The following SDK1 variants were observed in gnomAD, a reference collection of about 807,000 sequenced individuals.
SDK1 encodes the protein sidekick cell adhesion molecule 1.
Under a neutral mutation model 245.5 loss-of-function variants are expected in SDK1, and 157 were observed. The ratio of observed to expected loss-of-function variants is 0.64; its 90% CI spans 0.56 to 0.73. The LOEUF (loss-of-function observed/expected upper bound fraction) is 0.73. SDK1 is among the 30% of genes least tolerant of loss of function. The pLI is 0.00. For missense variants in SDK1, 3,583 were observed against 3,002.3 expected, an observed-to-expected ratio of 1.19 and a Z score of -4.52; for synonymous variants, 1,647 against 1,278.5, an observed-to-expected ratio of 1.29 and a Z score of -6.15.
At chr7:3,487,516 C>G (rs1243495872) in intron 1 of SDK1, among the ~76,000 whole-genome samples, 1 of 151,922 alleles carries the variant, frequency 6.6e-6, no homozygotes, top group Non-Finnish European at 1.5e-5. Flanking sequence ...CCAAGGTAAA[C>G]AGATCACCTG....
intron 5 of SDK1, among the ~76,000 whole-genome samples, chr7:3,825,492 A>G: frequency 6.6e-6 from 1 of 152,198 alleles, no homozygotes; most frequent in East Asian, 1.9e-4. Flanking sequence ...CTTGGATTAA[A>G]AAGAAATGAC....
intron 1 of SDK1, among the ~76,000 whole-genome samples, chr7:3,587,210 G>A (rs1170461834): frequency 6.6e-6 from 1 of 152,214 alleles, no homozygotes; most frequent in East Asian, 1.9e-4. Context: ...GCCAAAGACA[G>A]AGGAGAAATT....
rs1431018278 is a variant in SDK1 at position 3,950,904 on chromosome 7, T to G, written c.848-19T>G. 6.3e-7 allele frequency: 1 copy of G among 1,599,334 alleles called. No individual in the cohort carries two copies. Among genetic ancestry groups the G allele is most frequent in the Non-Finnish European group, 8.6e-7 (1 of 1,166,840 alleles). ...CTGTACTTAGAGTTTCATGGACATT[T>G]CTCTTTTCTCTGCCACAGGAGATGT... On this transcript the variant is annotated intron_variant, in intron 5 of 44. Transcript: ENST00000404826.
chr7:3,498,507 A>G (rs1403627036), intron 1 of SDK1, among the ~76,000 whole-genome samples: 1 of 152,140 alleles, frequency 6.6e-6, no homozygotes, highest in Non-Finnish European at 1.5e-5. Context: ...CACATTGCCT[A>G]GTATATTGTG....
chr7:3,966,046 A>T (rs1266228234), intron 9 of SDK1, among the ~76,000 whole-genome samples: 1 of 151,956 alleles, frequency 6.6e-6, no homozygotes, highest in Non-Finnish European at 1.5e-5. Flanking sequence ...GAGCAAGCAG[A>T]GAAGGGACAT....
chr7:3,988,874 C>T (rs1458564815), intron 14 of SDK1, among the ~76,000 whole-genome samples: 8 of 152,118 alleles, frequency 5.3e-5, no homozygotes, highest in African/African-American at 1.4e-4. Context: ...TGGGTTCAAG[C>T]GATTCTTCTG....
intron 29 of SDK1, among the ~76,000 whole-genome samples, chr7:4,149,019 G>A (rs537877323): frequency 6.6e-6 from 1 of 152,228 alleles, no homozygotes; most frequent in African/African-American, 2.4e-5. Context: ...TCACGCCACT[G>A]CACTCCAACC....
intron 22 of SDK1, among the ~76,000 whole-genome samples, chr7:4,089,222 A>T (rs1211054545): frequency 6.7e-6 from 1 of 149,616 alleles, no homozygotes; most frequent in Non-Finnish European, 1.5e-5. Context: ...CCCTCCCTCA[A>T]GTGGAGGTGA....
At chr7:3,517,036 A>G (rs1414591823) in intron 1 of SDK1, among the ~76,000 whole-genome samples, 4 of 152,182 alleles carry the variant, frequency 2.6e-5, no homozygotes, top group Admixed American at 2.0e-4. Flanking sequence ...GTTATAAGCA[A>G]ACATTCCTGA....
chr7:4,261,614 C>T (rs558280252), intron 44 of SDK1, among the ~76,000 whole-genome samples: 1 of 152,168 alleles, frequency 6.6e-6, no homozygotes, highest in African/African-American at 2.4e-5. Context: ...GCACATTCCC[C>T]GGCCTCCGAC....
intron 1 of SDK1, among the ~76,000 whole-genome samples, chr7:3,512,002 C>G (rs548628475): frequency 2.2e-4 from 34 of 151,328 alleles, no homozygotes; most frequent in African/African-American, 8.0e-4. Flanking sequence ...CATTAGAATT[C>G]ACTCTTGATA....
chr7:4,166,612 C>T (rs931004362), intron 32 of SDK1, among the ~76,000 whole-genome samples: 1 of 152,190 alleles, frequency 6.6e-6, no homozygotes, highest in Non-Finnish European at 1.5e-5. Flanking sequence ...GACCAAACTC[C>T]GGAGAGAATC....
chr7:4,254,671 G>A lies in SDK1; in HGVS notation c.6381+8866G>A, dbSNP rs74846447. On this transcript the variant is annotated intron_variant, in intron 44 of 44. Coordinates refer to ENST00000404826, the MANE Select transcript of SDK1 (RefSeq NM_152744.4). ...CCTGTGTATGCATTATACTTTCCTG[G>A]GTTTTTTTGAAAACAGATCATTTTT... 3.9e-3 allele frequency among the ~76,000 whole-genome samples: 589 copies of A among 150,168 alleles called. 3 individuals are homozygous for A. The highest frequency in any genetic ancestry group is 0.014 in the African/African-American group (570 of 40,872).
intron 5 of SDK1, among the ~76,000 whole-genome samples, chr7:3,920,299 A>G (rs146839881): frequency 6.6e-6 from 1 of 152,306 alleles, no homozygotes; most frequent in African/African-American, 2.4e-5. Flanking sequence ...ATGTAGACCA[A>G]TCTGAAGGAA....
intron 1 of SDK1, among the ~76,000 whole-genome samples, chr7:3,334,611 G>A (rs1374297044): frequency 2.0e-5 from 3 of 152,190 alleles, no homozygotes; most frequent in Non-Finnish European, 2.9e-5. Context: ...CCCAGCACAT[G>A]GCACCATTCT....
intron 1 of SDK1, among the ~76,000 whole-genome samples, chr7:3,555,461 A>G (rs1779559255): frequency 6.6e-6 from 1 of 152,230 alleles, no homozygotes; most frequent in South Asian, 2.1e-4. Context: ...TGTGAAGATT[A>G]TGAAACTAGT....
chr7:3,669,473 C>A (rs1251251105), intron 4 of SDK1, among the ~76,000 whole-genome samples: 1 of 152,112 alleles, frequency 6.6e-6, no homozygotes, highest in Non-Finnish European at 1.5e-5. Flanking sequence ...CTGGTATTGA[C>A]TGTTCGGTTT....
At chr7:4,243,170 T>A (rs2128238625) in intron 43 of SDK1, among the ~76,000 whole-genome samples, 1 of 152,346 alleles carries the variant, frequency 6.6e-6, no homozygotes, top group East Asian at 1.9e-4. Context: ...GCTGCAACTC[T>A]GTCTTCTGAG....
chr7:3,432,324 C>G (rs1007797430), intron 1 of SDK1, among the ~76,000 whole-genome samples: 72 of 151,828 alleles, frequency 4.7e-4, no homozygotes, highest in African/African-American at 1.7e-3. Flanking sequence ...TCATCCTGCC[C>G]CAGTCAAGAA....
Sources: allele counts gnomAD v4.1 joint callset (sites outside exome capture counted in the v4.1 genomes callset), GRCh38; gene constraint gnomAD v4.1.1; transcripts MANE v1.5; gene names NCBI Gene and HGNC (gene_info 2026-07-23, HGNC 2026-07-21).